The following SHANK2 variants were observed in gnomAD, a reference collection of about 807,000 sequenced individuals.
SHANK2 encodes SH3 and multiple ankyrin repeat domains protein 2.
SHANK2 carries 43 observed loss-of-function variants against 133.7 expected under a neutral mutation model. The ratio of observed to expected loss-of-function variants is 0.32; its 90% CI spans 0.25 to 0.41. SHANK2 has a LOEUF of 0.41. Ranked by LOEUF, SHANK2 falls within the 10% of genes least tolerant of loss-of-function variation. The pLI is 1.00. For missense variants in SHANK2, 1,994 were observed against 2,235.8 expected, an observed-to-expected ratio of 0.89 and a Z score of 2.18; for synonymous variants, 1,017 against 952.8, an observed-to-expected ratio of 1.07 and a Z score of -1.24.
intron 14 of SHANK2, among the ~76,000 whole-genome samples, chr11:70,747,776 A>G (rs544562864): frequency 6.6e-6 from 1 of 152,334 alleles, no homozygotes; most frequent in East Asian, 1.9e-4. Flanking sequence ...TGTATGCCAC[A>G]TGGTACATGT....
chr11:70,754,116 T>G (rs764334112), intron 14 of SHANK2, among the ~76,000 whole-genome samples: 16 of 152,214 alleles, frequency 1.1e-4, no homozygotes, highest in South Asian at 2.1e-4. Flanking sequence ...CTGACAATTG[T>G]GTAGTTTAAA....
intron 11 of SHANK2, chr11:70,862,945 C>A (rs1381100597): frequency 3.6e-6 from 1 of 281,402 alleles, no homozygotes; most frequent in Non-Finnish European, 7.0e-6. Flanking sequence ...TTGGTCTCAG[C>A]AGGAGACAAG....
intron 9 of SHANK2, among the ~76,000 whole-genome samples, chr11:71,058,557 G>T (rs1311450577): frequency 1.3e-5 from 2 of 152,258 alleles, no homozygotes; most frequent in Non-Finnish European, 2.9e-5. Context: ...AAATGATCAG[G>T]GGCTGGGCTG....
chr11:70,649,480 A>G (rs915637918), intron 17 of SHANK2, among the ~76,000 whole-genome samples: 2 of 152,152 alleles, frequency 1.3e-5, no homozygotes, highest in African/African-American at 4.8e-5. Context: ...CAATTAAAAG[A>G]TCCTGTGGGG....
intron 17 of SHANK2, among the ~76,000 whole-genome samples, chr11:70,588,905 C>T (rs1554987420): frequency 6.6e-6 from 1 of 152,220 alleles, no homozygotes. Context: ...GCAAGCTCCG[C>T]CTCCCGGGTT....
rs782684903 is a variant in SHANK2 at position 70,489,367 on chromosome 11, T to TAATC, written c.2552-20_2552-19insGATT. 35 of 1,613,652 alleles carry TAATC rather than the reference T, an allele frequency of 2.2e-5. No individual in the cohort carries two copies. Among genetic ancestry groups the TAATC allele is most frequent in the Non-Finnish European group, 2.7e-5 (32 of 1,179,598 alleles). ...CTGCTGTCTGACAGGAGGAAATCAGTTGTTATTAACCAGTAACCGCAAGAC... is the reference window on the plus strand; with the variant it reads ...CTGCTGTCTGACAGGAGGAAATCAGTAATCTGTTATTAACCAGTAACCGCAAGAC... On this transcript the variant is annotated intron_variant, in intron 23 of 25. Transcript: ENST00000601538.
chr11:70,626,389 G>A (rs1241143995), intron 17 of SHANK2, among the ~76,000 whole-genome samples: 1 of 152,194 alleles, frequency 6.6e-6, no homozygotes, highest in African/African-American at 2.4e-5. Flanking sequence ...GGAGACACCA[G>A]GGAAAAATCC....
At chr11:71,057,363 AC>A (rs1950933083) in intron 9 of SHANK2, among the ~76,000 whole-genome samples, 1 of 152,100 alleles carries the variant, frequency 6.6e-6, no homozygotes, top group African/African-American at 2.4e-5. Context: ...AACAAAAAAA[AC>A]AAAACCCCCA....
At chr11:71,093,845 C>T (rs1234907253) in intron 7 of SHANK2, among the ~76,000 whole-genome samples, 1 of 152,340 alleles carries the variant, frequency 6.6e-6, no homozygotes, top group East Asian at 1.9e-4. Flanking sequence ...GACAGCGAGG[C>T]CCCCGTCTTG....
intron 2 of SHANK2, among the ~76,000 whole-genome samples, chr11:71,148,137 T>G (rs1190815049): frequency 1.3e-5 from 2 of 149,470 alleles, no homozygotes; most frequent in African/African-American, 4.9e-5. Context: ...CAGGCTGGAG[T>G]GCAATGGCGT....
intron 11 of SHANK2, among the ~76,000 whole-genome samples, chr11:70,831,268 C>T (rs1948720792): frequency 6.6e-6 from 1 of 152,162 alleles, no homozygotes; most frequent in Admixed American, 6.5e-5. Context: ...CGCAGGCGAG[C>T]ACCTTTTGAG....
At chr11:70,903,404 A>ATAAAAT (rs1950051686) in intron 10 of SHANK2, among the ~76,000 whole-genome samples, 1 of 140,600 alleles carries the variant, frequency 7.1e-6, no homozygotes, top group Non-Finnish European at 1.5e-5. Context: ...ATAAAATAAA[A>ATAAAAT]TAAAATAAAA....
At chr11:71,187,459 G>C (rs782574963) in intron 2 of SHANK2, among the ~76,000 whole-genome samples, 14 of 151,756 alleles carry the variant, frequency 9.2e-5, no homozygotes, top group Non-Finnish European at 1.6e-4. Flanking sequence ...GTTTTATTCA[G>C]GACACTTCAT....
chr11:71,144,507 TC>T (rs782545591), intron 3 of SHANK2, among the ~76,000 whole-genome samples: 4 of 151,986 alleles, frequency 2.6e-5, no homozygotes, highest in Non-Finnish European at 5.9e-5. Context: ...GATCAGAACT[TC>T]CCTCCTGTCC....
chr11:70,660,477 C>T (rs1490238052), intron 16 of SHANK2, among the ~76,000 whole-genome samples: 1 of 152,164 alleles, frequency 6.6e-6, no homozygotes, highest in African/African-American at 2.4e-5. Context: ...GTCCAGGCCT[C>T]TGTGACCACT....
At chr11:70,757,500 G>A (rs1015045617) in intron 14 of SHANK2, among the ~76,000 whole-genome samples, 1 of 152,264 alleles carries the variant, frequency 6.6e-6, no homozygotes, top group Non-Finnish European at 1.5e-5. Flanking sequence ...CAACACTGTG[G>A]TGTATGCAAG....
chr11:70,737,556 A>G (rs1364147424), intron 14 of SHANK2, among the ~76,000 whole-genome samples: 1 of 152,186 alleles, frequency 6.6e-6, no homozygotes, highest in East Asian at 1.9e-4. Flanking sequence ...CCTCCATCGC[A>G]TTGAGTCCAA....
intron 9 of SHANK2, among the ~76,000 whole-genome samples, chr11:71,066,090 T>C (rs1322502033): frequency 0.015 from 107 of 7,242 alleles, no homozygotes; most frequent in African/African-American, 0.024. Flanking sequence ...GGGAAGTTGG[T>C]GGGGGGGGTG....
At chr11:70,734,249 G>A (rs1946353179) in intron 14 of SHANK2, among the ~76,000 whole-genome samples, 2 of 152,216 alleles carry the variant, frequency 1.3e-5, no homozygotes, top group Non-Finnish European at 2.9e-5. Context: ...TATGCGAGGA[G>A]ATGTTTTAAC....
Sources: allele counts gnomAD v4.1 joint callset (sites outside exome capture counted in the v4.1 genomes callset), GRCh38; gene constraint gnomAD v4.1.1; transcripts MANE v1.5; gene names NCBI Gene and HGNC (gene_info 2026-07-23, HGNC 2026-07-21).